The following SPATA17 variants were observed in gnomAD, a reference collection of about 807,000 sequenced individuals.
SPATA17 encodes the protein spermatogenesis associated 17.
In SPATA17, 53 loss-of-function variants were observed where a neutral mutation model predicts 62.2. The observed-to-expected ratio is 0.85, with a 90% CI of 0.68 to 1.07. SPATA17 has a LOEUF of 1.07. Among genes scored for constraint, SPATA17 ranks in the 50% least tolerant of loss-of-function variants. The probability of loss-of-function intolerance (pLI) is 0.00; values close to 1 mark genes in which losing one functional copy is unlikely to be tolerated. For missense variants in SPATA17, 466 were observed against 425.5 expected, an observed-to-expected ratio of 1.10 and a Z score of -0.84; for synonymous variants, 146 against 146.8, an observed-to-expected ratio of 0.99 and a Z score of 0.04.
intron 1 of SPATA17, among the ~76,000 whole-genome samples, chr1:217,635,950 T>C (rs781727050): frequency 1.3e-5 from 2 of 151,598 alleles, no homozygotes; most frequent in Non-Finnish European, 2.9e-5. Flanking sequence ...CTGGCCAACA[T>C]GGAGAAACCC....
intron 5 of SPATA17, among the ~76,000 whole-genome samples, chr1:217,703,174 C>CTTTTTTTTTTTTTTTTTTTT (rs1203063860): frequency 7.6e-5 from 8 of 105,510 alleles, no homozygotes; most frequent in African/African-American, 1.6e-4. Context: ...TGCGCTCGGC[C>CTTTTTTTTTTTTTTTTTTTT]TTTTTTTTTT....
intron 5 of SPATA17, among the ~76,000 whole-genome samples, chr1:217,709,546 A>G (rs79116478): frequency 0.064 from 9,688 of 152,300 alleles, 367 homozygotes; most frequent in African/African-American, 0.096. Context: ...AGAGCACCCA[A>G]GATGGAAGCT....
chr1:217,827,368 C>A (rs1675021023), intron 9 of SPATA17, among the ~76,000 whole-genome samples: 1 of 152,044 alleles, frequency 6.6e-6, no homozygotes, highest in African/African-American at 2.4e-5. Context: ...ACATTTAAGA[C>A]AATTTCTATT....
chr1:217,830,089 T>A (rs137911745), intron 9 of SPATA17, among the ~76,000 whole-genome samples: 16 of 152,220 alleles, frequency 1.1e-4, no homozygotes, highest in African/African-American at 3.9e-4. Context: ...TTTAAATCTA[T>A]AAAACATCCA....
chr1:217,706,463 T>C (rs1317696487), intron 5 of SPATA17, among the ~76,000 whole-genome samples: 1 of 152,210 alleles, frequency 6.6e-6, no homozygotes, highest in Non-Finnish European at 1.5e-5. Flanking sequence ...CGTTCCCCCA[T>C]GCTGTTTTGT....
intron 6 of SPATA17, among the ~76,000 whole-genome samples, chr1:217,756,627 T>C (rs1673050188): frequency 6.6e-6 from 1 of 152,182 alleles, no homozygotes; most frequent in Non-Finnish European, 1.5e-5. Flanking sequence ...TAGCCTTTAA[T>C]ACTTTGTGGG....
chr1:217,867,148 CTA>C lies in SPATA17; in HGVS notation c.*130_*131del, dbSNP rs1676031905. 1 of 152,114 alleles carries C rather than the reference CTA, an allele frequency of 6.6e-6. No homozygotes were observed. The highest frequency in any genetic ancestry group is 1.5e-5 in the Non-Finnish European group (1 of 68,026). The allele number at this position is 152,114 out of a possible 1,614,324, so 9.4% of individuals were successfully genotyped here. On this transcript the variant is annotated 3_prime_UTR_variant, in exon 11 of 11. Coordinates refer to ENST00000366933, the MANE Select transcript of SPATA17 (RefSeq NM_138796.4). ...CAATAAACTATAAAATTTTGTAGCTCTAGTCATGAATTAATTATTGTGTGTAT... is the reference window on the plus strand; with the variant it reads ...CAATAAACTATAAAATTTTGTAGCTCGTCATGAATTAATTATTGTGTGTAT...
chr1:217,829,795 T>G (rs1040190898), intron 9 of SPATA17, among the ~76,000 whole-genome samples: 2 of 151,846 alleles, frequency 1.3e-5, no homozygotes, highest in Non-Finnish European at 2.9e-5. Context: ...TATATATTTA[T>G]ATATAGGTCA....
chr1:217,714,206 G>T (rs1021147629), intron 5 of SPATA17, among the ~76,000 whole-genome samples: 4 of 151,992 alleles, frequency 2.6e-5, no homozygotes, highest in Admixed American at 1.3e-4. Flanking sequence ...TGGCCAACAT[G>T]GTGAAACCCC....
intron 9 of SPATA17, among the ~76,000 whole-genome samples, chr1:217,834,921 G>T (rs1174526932): frequency 6.6e-6 from 1 of 151,978 alleles, no homozygotes; most frequent in East Asian, 1.9e-4. Flanking sequence ...CTTTCACACT[G>T]TATTTTTACT....
At chr1:217,698,204 T>C (rs1671505671) in intron 5 of SPATA17, among the ~76,000 whole-genome samples, 1 of 152,090 alleles carries the variant, frequency 6.6e-6, no homozygotes, top group Admixed American at 6.6e-5. Flanking sequence ...TTTGGGAGGC[T>C]GAGGCGGGCA....
At chr1:217,663,006 A>G (rs916085110) in intron 3 of SPATA17, among the ~76,000 whole-genome samples, 1 of 152,208 alleles carries the variant, frequency 6.6e-6, no homozygotes, top group African/African-American at 2.4e-5. Flanking sequence ...TATTAATTTA[A>G]AACTTTAACA....
intron 6 of SPATA17, among the ~76,000 whole-genome samples, chr1:217,763,034 C>T (rs61825790): frequency 0.031 from 4,684 of 152,292 alleles, 104 homozygotes; most frequent in Middle Eastern, 0.058. Flanking sequence ...TTCAAAGATT[C>T]TGAATGAGTC....
chr1:217,804,208 C>T (rs536216965), intron 9 of SPATA17, among the ~76,000 whole-genome samples: 6 of 152,194 alleles, frequency 3.9e-5, no homozygotes, highest in African/African-American at 4.8e-5. Flanking sequence ...AAAATAGACA[C>T]ATCAAACAAT....
At chr1:217,859,142 C>A (rs1675844418) in intron 9 of SPATA17, among the ~76,000 whole-genome samples, 1 of 143,136 alleles carries the variant, frequency 7.0e-6, no homozygotes, top group African/African-American at 2.5e-5. Flanking sequence ...ATAATTAAAA[C>A]ATAATTTTAT....
chr1:217,849,386 A>G (rs560389058), intron 9 of SPATA17, among the ~76,000 whole-genome samples: 1 of 152,158 alleles, frequency 6.6e-6, no homozygotes, highest in African/African-American at 2.4e-5. Context: ...ATTCTACTTG[A>G]ATTTTTTGGA....
At chr1:217,856,599 A>T (rs1358224814) in intron 9 of SPATA17, among the ~76,000 whole-genome samples, 3 of 152,252 alleles carry the variant, frequency 2.0e-5, no homozygotes, top group Admixed American at 6.5e-5. Flanking sequence ...ATCAGCTAAA[A>T]TTTTTTTCTC....
chr1:217,749,989 A>C lies in SPATA17; in HGVS notation c.519+7891A>C, dbSNP rs370140507. ...TCTCTCTCTCTCTCTCTCTCTCTAT[A>C]TATATATATATATATATATATATGA... On this transcript the variant is annotated intron_variant, in intron 6 of 10. Transcript: ENST00000366933. Among the ~76,000 whole-genome samples the C allele has an allele frequency of 3.9e-3, 255 of 65,986 alleles. 4 individuals are homozygous for C. Among genetic ancestry groups the C allele is most frequent in the South Asian group, 9.7e-3 (23 of 2,370 alleles). The allele number at this position is 65,986 out of a possible 152,430, so 43.3% of individuals were successfully genotyped here.
chr1:217,767,374 G>T (rs1476742703), intron 6 of SPATA17, among the ~76,000 whole-genome samples: 7 of 151,746 alleles, frequency 4.6e-5, no homozygotes, highest in Non-Finnish European at 1.0e-4. Flanking sequence ...CTTGATTTTT[G>T]TTGAGCTTTC....
Sources: allele counts gnomAD v4.1 joint callset (sites outside exome capture counted in the v4.1 genomes callset), GRCh38; gene constraint gnomAD v4.1.1; transcripts MANE v1.5; gene names NCBI Gene and HGNC (gene_info 2026-07-23, HGNC 2026-07-21).